Variants in XAGE2 observed in about 807,000 individuals in gnomAD.
XAGE2 encodes G antigen family D member 3.
Under a neutral mutation model 9.9 loss-of-function variants are expected in XAGE2, and 7 were observed. The observed-to-expected ratio is 0.71, with a 90% CI of 0.40 to 1.32. The LOEUF (loss-of-function observed/expected upper bound fraction) is 1.32. Among genes scored for constraint, XAGE2 ranks in the 40% most tolerant of loss-of-function variants. XAGE2 has a pLI of 0.01. For synonymous variants in XAGE2, 31 were observed against 26.8 expected, an observed-to-expected ratio of 1.16 and a Z score of -0.48; for missense variants, 85 against 81.0, an observed-to-expected ratio of 1.05 and a Z score of -0.19.
chrX:52,369,946 A>C, intron 1 of XAGE2, 61 bp from the exon 2 acceptor site: 1 of 1,095,396 alleles, frequency 9.1e-7, no homozygotes. Context: ...TGGCCATGAA[A>C]GTGGTCAAAT....
At chrX:52,372,915 A>G (rs1416741364) in intron 4 of XAGE2, among the ~76,000 whole-genome samples, 1 of 112,251 alleles carries the variant, frequency 8.9e-6, no homozygotes, top group Non-Finnish European at 1.9e-5. Context: ...TCTGAGTATA[A>G]CCAACAGCTA....
In XAGE2 at chrX:52,371,753, G is replaced by A. The variant is rs1056395467; in HGVS notation, c.188-791G>A. On this transcript the variant is annotated intron_variant, in intron 3 of 4. Transcript: ENST00000286049. ...ATTTTTGGTACTATATTCTCAATAG[G>A]ATTTATTTATGAAAAGTTACATTTA... Among the ~76,000 whole-genome samples the A allele has an allele frequency of 5.4e-5, 6 of 111,237 alleles. No homozygotes were observed. In the East Asian group the frequency reaches 1.4e-3, roughly 26 times the overall value.
At chrX:52,369,864 C>T (rs1018028170) in intron 1 of XAGE2, 143 bp from the exon 2 acceptor site, 1 of 617,581 alleles carries the variant, frequency 1.6e-6, no homozygotes, top group East Asian at 3.3e-5. Flanking sequence ...AGAAGATGTA[C>T]ACACTTCTAG....
At chrX:52,372,322 T>A (rs1179420860) in intron 3 of XAGE2, among the ~76,000 whole-genome samples, 1 of 110,742 alleles carries the variant, frequency 9.0e-6, no homozygotes, top group East Asian at 2.9e-4. Flanking sequence ...ACTGCACCCC[T>A]GTACTCCAGC....
chrX:52,370,085 G>T lies in XAGE2; in HGVS notation c.71G>T (p.Gly24Val). Reference protein sequence around the residue: ...RRSLQPPELIGAMLEPTDEEP... With the variant: ...RRSLQPPELIVAMLEPTDEEP... ...AGTTTACAGCCTCCTGAGCTGATTG[G>T]GGCTATGCTTGTGAGTGCTTTAATA... Residue 24 changes from glycine to valine, a missense_variant, in exon 2 of 5, where the codon GGG (glycine) becomes GTG (valine). Physicochemically the swap from Gly to Val is moderately radical, Grantham distance 109. Transcript: ENST00000286049. 10 of 1,211,134 alleles carry T rather than the reference G, an allele frequency of 8.3e-6. No individual in the cohort carries two copies. The South Asian group carries it at 1.6e-4, about 19-fold the overall frequency.
intron 4 of XAGE2, among the ~76,000 whole-genome samples, chrX:52,374,831 G>T: frequency 9.0e-6 from 1 of 110,525 alleles, no homozygotes; most frequent in Admixed American, 9.7e-5. Context: ...TATCAATAAT[G>T]ATAATGATAG....
intron 4 of XAGE2, 38 bp downstream of exon 4, chrX:52,372,707 T>A: frequency 8.3e-7 from 1 of 1,199,851 alleles, no homozygotes; most frequent in South Asian, 1.8e-5. Context: ...ATGTGATTTC[T>A]ATTTTTTACA....
intron 3 of XAGE2, among the ~76,000 whole-genome samples, chrX:52,371,231 G>A (rs1429005479): frequency 8.9e-6 from 1 of 112,160 alleles, no homozygotes; most frequent in African/African-American, 3.2e-5. Context: ...TAACATCTAC[G>A]TTATTAGAAA....
At chrX:52,372,411 G>T (rs1921212962) in intron 3 of XAGE2, 133 bp from the exon 4 acceptor site, 1 of 832,427 alleles carries the variant, frequency 1.2e-6, no homozygotes, top group African/African-American at 2.0e-5. Flanking sequence ...AAGTGTGACA[G>T]CTTTGCATCA....
chrX:52,372,959 T>G (rs1921229181), intron 4 of XAGE2, among the ~76,000 whole-genome samples: 1 of 112,478 alleles, frequency 8.9e-6, no homozygotes, highest in Non-Finnish European at 1.9e-5. Flanking sequence ...TTTCTGCTTT[T>G]AACAAATACA....
chrX:52,372,425 T>C, intron 3 of XAGE2, 119 bp from the exon 4 acceptor site: 1 of 940,525 alleles, frequency 1.1e-6, no homozygotes, highest in Non-Finnish European at 1.5e-6. Flanking sequence ...TGCATCACAT[T>C]TATTATCACA....
At chrX:52,369,951 T>C in intron 1 of XAGE2, 56 bp from the exon 2 acceptor site, 1 of 1,134,167 alleles carries the variant, frequency 8.8e-7, no homozygotes, top group South Asian at 1.8e-5. Context: ...ATGAAAGTGG[T>C]CAAATACAGC....
At chrX:52,375,319 A>G (rs1921289715) in intron 4 of XAGE2, among the ~76,000 whole-genome samples, 2 of 111,547 alleles carry the variant, frequency 1.8e-5, no homozygotes, top group South Asian at 7.6e-4. Context: ...CTGACCTCGG[A>G]CTGTCTTTTG....
At chrX:52,370,708 GA>G in intron 3 of XAGE2, 36 bp downstream of exon 3, 1 of 1,146,194 alleles carries the variant, frequency 8.7e-7, no homozygotes, top group African/African-American at 1.8e-5. Flanking sequence ...CCTATAGGGG[GA>G]AGGAGGCCTA....
chrX:52,374,453 G>A (rs1921265687), intron 4 of XAGE2, among the ~76,000 whole-genome samples: 1 of 111,641 alleles, frequency 9.0e-6, no homozygotes, highest in Non-Finnish European at 1.9e-5. Flanking sequence ...AGCTGTTCTC[G>A]AACTCCTGAC....
At chrX:52,371,582 C>A (rs1412177960) in intron 3 of XAGE2, among the ~76,000 whole-genome samples, 1 of 111,889 alleles carries the variant, frequency 8.9e-6, no homozygotes, top group Admixed American at 9.5e-5. Context: ...CATTTTCAAG[C>A]TAAAGTTGAC....
At chrX:52,370,520 T>G in intron 2 of XAGE2, 47 bp from the exon 3 acceptor site, 1 of 1,075,840 alleles carries the variant, frequency 9.3e-7, no homozygotes, top group Non-Finnish European at 1.3e-6. Context: ...CATGTATTAC[T>G]AACAAAACTT....
chrX:52,370,182 A>G, intron 2 of XAGE2, 87 bp downstream of exon 2: 1 of 914,302 alleles, frequency 1.1e-6, no homozygotes, highest in Non-Finnish European at 1.6e-6. Flanking sequence ...ACACTGATAA[A>G]GGTCTTCCAT....
chrX:52,374,613 A>G (rs1921269055), intron 4 of XAGE2, among the ~76,000 whole-genome samples: 2 of 112,090 alleles, frequency 1.8e-5, no homozygotes, highest in African/African-American at 6.5e-5. Context: ...ATGCATTATT[A>G]AATATATCCC....
Sources: gnomAD v4.1 joint callset for allele counts (sites outside exome capture counted in the v4.1 genomes callset) on GRCh38, gnomAD v4.1.1 for gene constraint, MANE v1.5 for transcripts, NCBI Gene and HGNC (gene_info 2026-07-23, HGNC 2026-07-21) for gene names.